The following HK1 variants were observed in gnomAD, a reference collection of about 807,000 sequenced individuals.
The protein encoded by HK1 is hexokinase-1.
In HK1, 28 loss-of-function variants were observed where a neutral mutation model predicts 91.6. That is an observed-to-expected ratio of 0.31 (90% CI 0.23 to 0.42). HK1 has a LOEUF of 0.42. Among genes scored for constraint, HK1 ranks in the 10% least tolerant of loss-of-function variants. The pLI is 1.00. For synonymous variants in HK1, 430 were observed against 468.1 expected (o/e 0.92, Z 1.05); for missense variants, 770 against 1,219.8 (o/e 0.63, Z 5.49).
intron 1 of HK1, among the ~76,000 whole-genome samples, chr10:69,319,804 G>A (rs1846901709): frequency 6.6e-6 from 1 of 152,158 alleles, no homozygotes; most frequent in Non-Finnish European, 1.5e-5. Flanking sequence ...AATACTGTCC[G>A]CTGGCAGGTC....
intron 5 of HK1, among the ~76,000 whole-genome samples, chr10:69,305,885 CAAA>C (rs938700634): frequency 1.3e-4 from 20 of 150,000 alleles, no homozygotes; most frequent in African/African-American, 4.7e-4. Flanking sequence ...AAAAAAACAA[CAAA>C]AAAAAATAAG....
At chr10:69,372,940 C>G (rs1387046054) in intron 7 of HK1, among the ~76,000 whole-genome samples, 4 of 152,124 alleles carry the variant, frequency 2.6e-5, no homozygotes, top group Non-Finnish European at 4.4e-5. Context: ...GCAATCTCAG[C>G]TTACTGCAAC....
chr10:69,391,606 C>G (rs1348098884), intron 14 of HK1, among the ~76,000 whole-genome samples: 3 of 152,210 alleles, frequency 2.0e-5, no homozygotes, highest in African/African-American at 7.2e-5. Context: ...TGCGCCGCTG[C>G]ACTCCAGCCT....
At position 69,282,133 on chromosome 10, in the gene HK1, G is replaced by T. The variant is rs114698455; in HGVS notation, c.-390-396G>T. On this transcript the variant is annotated intron_variant, in intron 1 of 21. Coordinates refer to the HK1 transcript ENST00000360289. ...CCTGAATTAACTCCTGTAAGCGTCGGCTTCCCTCCTGAAAAGGGTTTCTAC... is the reference window on the plus strand; with the variant it reads ...CCTGAATTAACTCCTGTAAGCGTCGTCTTCCCTCCTGAAAAGGGTTTCTAC... Among the ~76,000 whole-genome samples, 249 of 152,266 alleles carry T rather than the reference G, an allele frequency of 1.6e-3. 2 individuals are homozygous for T. The highest frequency in any genetic ancestry group is 5.5e-3 in the African/African-American group (228 of 41,542).
At chr10:69,364,696 G>T (rs955135931) in intron 3 of HK1, 87 bp from the exon 4 acceptor site, 2 of 1,500,512 alleles carry the variant, frequency 1.3e-6, no homozygotes, top group African/African-American at 2.8e-5. Context: ...ATTCCTTTCT[G>T]TGTGTGTGGG....
chr10:69,271,125 A>G (rs1424501672), intron 1 of HK1: 1 of 152,210 alleles, frequency 6.6e-6, no homozygotes, highest in Non-Finnish European at 1.5e-5. Flanking sequence ...GTAAGGAAAG[A>G]AAGATATATA....
intron 1 of HK1, among the ~76,000 whole-genome samples, chr10:69,319,616 G>C (rs915582164): frequency 6.6e-6 from 1 of 152,262 alleles, no homozygotes; most frequent in Non-Finnish European, 1.5e-5. Flanking sequence ...TGTCTGGAGC[G>C]GCACGTCTGA....
chr10:69,305,506 G>A (rs1010410254), intron 5 of HK1, among the ~76,000 whole-genome samples: 1 of 151,752 alleles, frequency 6.6e-6, no homozygotes, highest in Non-Finnish European at 1.5e-5. Context: ...CTCCCGATCA[G>A]AATGTGGGCT....
chr10:69,387,990 C>G (rs12771121), intron 13 of HK1, among the ~76,000 whole-genome samples: 3 of 151,752 alleles, frequency 2.0e-5, no homozygotes, highest in Non-Finnish European at 4.4e-5. Context: ...AGACAGATAC[C>G]TGGGCACTAG....
intron 1 of HK1, among the ~76,000 whole-genome samples, chr10:69,335,811 A>G (rs1460881362): frequency 2.0e-5 from 3 of 152,214 alleles, no homozygotes; most frequent in African/African-American, 7.2e-5. Context: ...CCAGAAGTCA[A>G]ATGCAGGTGT....
chr10:69,281,973 T>TC lies in HK1; in HGVS notation c.-390-555dup, dbSNP rs1320119030. ...CACGCATTTTAAAATCCTAGTTGTT[T>TC]CTTTTTTTAGCTCTGAGCTACTTAC... is the stretch of plus-strand genomic sequence containing the variant. On this transcript the variant is annotated intron_variant, in intron 1 of 21. Coordinates refer to the HK1 transcript ENST00000360289. Among the ~76,000 whole-genome samples, 3 of 152,280 alleles carry TC rather than the reference T, an allele frequency of 2.0e-5. No homozygotes were observed. The East Asian group carries it at 5.8e-4, about 29-fold the overall frequency.
chr10:69,339,441 C>A (rs2132663613), intron 1 of HK1, among the ~76,000 whole-genome samples: 1 of 152,330 alleles, frequency 6.6e-6, no homozygotes, highest in South Asian at 2.1e-4. Flanking sequence ...CTCAATTGGG[C>A]CTCCCTTTTG....
rs1362966093 is a variant in HK1, at chr10:69,329,810, C to T, written c.63+10800C>T. Among the ~76,000 whole-genome samples, 6 of 152,086 alleles carry T rather than the reference C, an allele frequency of 3.9e-5. No individual in the cohort carries two copies. In the East Asian group the frequency reaches 1.2e-3, roughly 29 times the overall value. On this transcript the variant is annotated intron_variant, in intron 1 of 17. Transcript: ENST00000359426. The stretch of plus-strand genomic sequence containing the variant: ...TCCCTGCCCCCCATCTCCTGCCCCT[C>T]CCCAGCACCAGCATGGTGTCTCCTG...
intron 2 of HK1, among the ~76,000 whole-genome samples, chr10:69,347,137 C>T (rs7911786): frequency 0.017 from 2,622 of 151,802 alleles, 79 homozygotes; most frequent in African/African-American, 0.06. Context: ...GCACCCCCTA[C>T]GTAGCTGGGA....
intron 16 of HK1, among the ~76,000 whole-genome samples, chr10:69,395,877 T>C (rs4745988): frequency 0.58 from 88,342 of 152,036 alleles, 26,084 homozygotes; most frequent in South Asian, 0.68. Context: ...TGCTGTCTTC[T>C]AAGGCACGCT....
chr10:69,328,588 A>G (rs1847515114), intron 1 of HK1, among the ~76,000 whole-genome samples: 1 of 152,220 alleles, frequency 6.6e-6, no homozygotes, highest in Non-Finnish European at 1.5e-5. Context: ...TAGAGCCAGC[A>G]TTCAGCCTCA....
In HK1 at chr10:69,292,304, G is replaced by A. The variant is rs192516988; in HGVS notation, c.-114-3329G>A. The stretch of plus-strand genomic sequence containing the variant: ...CCCAGGCTGTTCTTAAATCCCTGGC[G>A]TCAAGTGATCCTCCTGCCTCAGCCT... On this transcript the variant is annotated intron_variant, in intron 3 of 21. Transcript: ENST00000360289. The A allele has an allele frequency of 2.4e-4, 105 of 431,060 alleles. No homozygotes were observed. In the East Asian group the frequency reaches 4.9e-3, roughly 20 times the overall value. 26.7% of individuals were successfully genotyped at this position (431,060 alleles called of 1,614,324 possible).
intron 8 of HK1, 79 bp downstream of exon 8, chr10:69,377,168 C>G (rs1231621853): frequency 1.3e-6 from 2 of 1,540,798 alleles, no homozygotes; most frequent in African/African-American, 2.7e-5. Context: ...TTCTTGAGTC[C>G]AAGTTTGGTG....
At chr10:69,281,252 A>C (rs1048365379) in intron 1 of HK1, among the ~76,000 whole-genome samples, 1 of 152,194 alleles carries the variant, frequency 6.6e-6, no homozygotes, top group African/African-American at 2.4e-5. Context: ...GGAAGGGCCC[A>C]AGAATGTGCA....
Sources: gnomAD v4.1 joint callset for allele counts (sites outside exome capture counted in the v4.1 genomes callset) on GRCh38, gnomAD v4.1.1 for gene constraint, MANE v1.5 for transcripts, NCBI Gene and HGNC (gene_info 2026-07-23, HGNC 2026-07-21) for gene names.